Variants in TRIM66 observed in about 807,000 individuals in gnomAD.
The protein encoded by TRIM66 is tripartite motif containing 66.
A neutral mutation model predicts 148.2 loss-of-function variants in TRIM66; 99 were observed. That is an observed-to-expected ratio of 0.67 (90% CI 0.57 to 0.79). The LOEUF (loss-of-function observed/expected upper bound fraction) is 0.79, where lower values mean the gene tolerates loss of function less well. Among genes scored for constraint, TRIM66 ranks in the 30% least tolerant of loss-of-function variants. TRIM66 has a pLI of 0.00. For missense variants in TRIM66, 1,666 were observed against 1,697.9 expected, an observed-to-expected ratio of 0.98 and a Z score of 0.33; for synonymous variants, 616 against 635.9, an observed-to-expected ratio of 0.97 and a Z score of 0.47.
chr11:8,653,466 C>G (rs1214609664), intron 6 of TRIM66, among the ~76,000 whole-genome samples: 1 of 152,124 alleles, frequency 6.6e-6, no homozygotes, highest in Admixed American at 6.5e-5. Context: ...AGAGATCATG[C>G]AGAGAAAGTT....
rs377109676 is a variant in TRIM66, at chr11:8,622,616, G to A, written c.3080+200C>T. Reference sequence around the variant, plus strand: ...GAAGTGCAAGGGCGGCACCCAGAGCGCATGCCTCGTGGTGCAGGAGCCAGG... The same window carrying A: ...GAAGTGCAAGGGCGGCACCCAGAGCACATGCCTCGTGGTGCAGGAGCCAGG... On this transcript the variant is annotated intron_variant, in intron 18 of 24. Transcript: ENST00000646038. Among the ~76,000 whole-genome samples the A allele has an allele frequency of 6.7e-4, 102 of 151,954 alleles. 1 individual carries two copies. Among genetic ancestry groups the A allele is most frequent in the African/African-American group, 1.9e-3 (78 of 41,430 alleles).
intron 18 of TRIM66, 104 bp from the exon 19 acceptor site, chr11:8,621,923 C>T: frequency 8.7e-7 from 1 of 1,155,752 alleles, no homozygotes; most frequent in Non-Finnish European, 1.2e-6. Flanking sequence ...TATTGAGTGT[C>T]AACTTGATTG....
At chr11:8,628,085 G>A (rs1332740560) in intron 15 of TRIM66, among the ~76,000 whole-genome samples, 2 of 152,126 alleles carry the variant, frequency 1.3e-5, no homozygotes, top group African/African-American at 2.4e-5. Flanking sequence ...TTCCACCTTA[G>A]ATTCCCAAAG....
rs968884566 is a variant in TRIM66, at chr11:8,616,391, A to G, written c.*1553T>C. On this transcript the variant is annotated 3_prime_UTR_variant, in exon 25 of 25. Transcript: ENST00000646038. ...TTGAACTTCATCTGTTAGCAAAAATAAAGCCATGACCTCAGACTCCCCTGA... is the reference window on the plus strand; with the variant it reads ...TTGAACTTCATCTGTTAGCAAAAATGAAGCCATGACCTCAGACTCCCCTGA... The G allele has an allele frequency of 6.6e-6, 1 of 152,240 alleles. No individual in the cohort carries two copies. The highest frequency in any genetic ancestry group is 2.4e-5 in the African/African-American group (1 of 41,460). The allele number at this position is 152,240 out of a possible 1,614,324, so 9.4% of individuals were successfully genotyped here. A position where few individuals can be genotyped will look rare whatever the true frequency, so the allele number is the denominator to read the frequency against.
In TRIM66 at chr11:8,621,679, T is replaced by A; in HGVS notation, c.3221A>T (p.Glu1074Val). Residue 1074 changes from glutamate (E) to valine (V), a missense_variant, in exon 19 of 25, where the codon GAG becomes GTG. By Grantham distance (121) the Glu-to-Val change is moderately radical. This residue lies in a region of TRIM66 where 1,431 missense variants were observed against 1,412.4 expected (regional missense o/e 1.01). Coordinates refer to ENST00000646038, the MANE Select transcript of TRIM66 (RefSeq NM_001388022.1). The part of the protein sequence containing the change: ...DQDGSFLLII[E>V]CGTESSSMSI... ...CATGCTGGAGGACTCAGTGCCACAC[T>A]CGATGATCAGCAGGAAGCTCCCATC... is the stretch of plus-strand genomic sequence containing the variant. 1 of 1,548,734 alleles carries A rather than the reference T, an allele frequency of 6.5e-7. No homozygotes were observed.
chr11:8,664,042 G>C (rs186292681), intron 6 of TRIM66, among the ~76,000 whole-genome samples: 1 of 152,300 alleles, frequency 6.6e-6, no homozygotes, highest in African/African-American at 2.4e-5. Context: ...GATAGCAGGA[G>C]TCAGTTCAAG....
intron 15 of TRIM66, among the ~76,000 whole-genome samples, chr11:8,631,878 C>T (rs2035435470): frequency 6.6e-6 from 1 of 152,184 alleles, no homozygotes; most frequent in Non-Finnish European, 1.5e-5. Context: ...AGCTTTGCCT[C>T]ATCACTTCTA....
chr11:8,667,985 C>T (rs1336820253), intron 6 of TRIM66, among the ~76,000 whole-genome samples: 1 of 152,188 alleles, frequency 6.6e-6, no homozygotes, highest in Non-Finnish European at 1.5e-5. Flanking sequence ...TGAGGAACTG[C>T]CATATTTTCC....
rs1162083525 is a variant in TRIM66, at chr11:8,621,836, AC to A, written c.3081-18del. The A allele has an allele frequency of 6.6e-7, 1 of 1,521,998 alleles. No homozygotes were observed. Among genetic ancestry groups the A allele is most frequent in the African/African-American group, 1.4e-5 (1 of 71,744 alleles). 94.3% of individuals were successfully genotyped at this position (1,521,998 alleles called of 1,614,324 possible). A position where few individuals can be genotyped will look rare whatever the true frequency, so the allele number is the denominator to read the frequency against. ...TTGAAGGCTCTGCAGCAAGACAGAC[AC>A]CCCGGGGTCTTGGTGGGATCCTCCT... On this transcript the variant is annotated intron_variant, in intron 18 of 24. Coordinates refer to ENST00000646038, the MANE Select transcript of TRIM66 (RefSeq NM_001388022.1).
intron 13 of TRIM66, 35 bp downstream of exon 13, chr11:8,642,974 G>A (rs763361968): frequency 6.2e-5 from 92 of 1,484,172 alleles, no homozygotes; most frequent in Middle Eastern, 2.0e-4. Context: ...AAGCCCACAG[G>A]GTGGGTAGGC....
intron 6 of TRIM66, among the ~76,000 whole-genome samples, chr11:8,652,815 G>A (rs956616031): frequency 3.3e-5 from 5 of 152,222 alleles, no homozygotes; most frequent in African/African-American, 1.2e-4. Context: ...AATCTCCTCT[G>A]TCTCATCTCT....
At chr11:8,630,506 T>C (rs57836157) in intron 15 of TRIM66, among the ~76,000 whole-genome samples, 2,362 of 152,316 alleles carry the variant, frequency 0.016, 59 homozygotes, top group African/African-American at 0.052. Context: ...GATTCACTAC[T>C]GAAAATAAAC....
At chr11:8,658,229 C>T (rs2133353792) in intron 6 of TRIM66, among the ~76,000 whole-genome samples, 2 of 152,340 alleles carry the variant, frequency 1.3e-5, no homozygotes, top group African/African-American at 4.8e-5. Context: ...CAGCAATTTT[C>T]CCAAACTGAA....
intron 15 of TRIM66, among the ~76,000 whole-genome samples, chr11:8,625,853 G>A (rs2141902626): frequency 6.6e-6 from 1 of 152,260 alleles, no homozygotes; most frequent in East Asian, 1.9e-4. Flanking sequence ...TTCTTATGGG[G>A]TTGTTCAGAT....
chr11:8,621,470 A>G (rs1266925812), intron 19 of TRIM66, 149 bp from the exon 20 acceptor site: 8 of 1,306,142 alleles, frequency 6.1e-6, no homozygotes, highest in African/African-American at 1.5e-5. Flanking sequence ...ATGCTGGGAC[A>G]CCTCACTCCT....
In TRIM66 at chr11:8,648,304, C is replaced by T. The variant is rs1438021754; in HGVS notation, c.725+112G>A. ...GAGAAAAACTTCAGCCCAGGGGCTG[C>T]AGGTTGGCTTGGGCAGGGAGAAGAT... On this transcript the variant is annotated intron_variant, in intron 9 of 24. Transcript: ENST00000646038. 3 of 1,463,426 alleles carry T rather than the reference C, an allele frequency of 2.0e-6. No homozygotes were observed. The African/African-American group carries it at 4.3e-5, about 21-fold the overall frequency. 90.7% of individuals were successfully genotyped at this position (1,463,426 alleles called of 1,614,324 possible).
intron 15 of TRIM66, among the ~76,000 whole-genome samples, chr11:8,627,179 C>T (rs928977888): frequency 2.0e-5 from 3 of 152,170 alleles, no homozygotes; most frequent in Non-Finnish European, 4.4e-5. Flanking sequence ...GGATTTTTAT[C>T]TATTTTGCTT....
intron 6 of TRIM66, among the ~76,000 whole-genome samples, chr11:8,664,205 G>GT (rs1196258141): frequency 6.6e-6 from 1 of 152,150 alleles, no homozygotes; most frequent in Non-Finnish European, 1.5e-5. Flanking sequence ...ATTCTGCAAC[G>GT]TATCTATACT....
chr11:8,649,649 A>G lies in TRIM66; in HGVS notation c.592+91T>C, dbSNP rs1212616403. On this transcript the variant is annotated intron_variant, in intron 8 of 24. Transcript: ENST00000646038. ...TGTCCCTACCTTCTCCCCCAGCAAG[A>G]AAACAAGATCGGAGAGCTATTCTCC... The G allele has an allele frequency of 8.1e-6, 12 of 1,472,702 alleles. 1 individual carries two copies. The East Asian group carries it at 2.5e-4, about 31-fold the overall frequency. 91.2% of individuals were successfully genotyped at this position (1,472,702 alleles called of 1,614,324 possible). A position where few individuals can be genotyped will look rare whatever the true frequency, so the allele number is the denominator to read the frequency against.
Sources: gnomAD v4.1 joint callset for allele counts (sites outside exome capture counted in the v4.1 genomes callset) on GRCh38, gnomAD v4.1.1 for gene constraint, gnomAD v4.1.1 regional missense constraint, MANE v1.5 for transcripts, NCBI Gene and HGNC (gene_info 2026-07-23, HGNC 2026-07-21) for gene names.